Variants in CLCA4 observed in about 807,000 individuals in gnomAD.
The protein encoded by CLCA4 is chloride channel accessory 4, also known as calcium-activated chloride channel regulator 4.
A neutral mutation model predicts 78.9 loss-of-function variants in CLCA4; 69 were observed. The ratio of observed to expected loss-of-function variants is 0.87; its 90% CI spans 0.72 to 1.07. The LOEUF (loss-of-function observed/expected upper bound fraction) is 1.07. Ranked by LOEUF, CLCA4 falls within the 50% of genes least tolerant of loss-of-function variation. CLCA4 has a pLI of 0.00. For missense variants in CLCA4, 1,133 were observed against 1,095.8 expected, an observed-to-expected ratio of 1.03 and a Z score of -0.48; for synonymous variants, 362 against 375.8, an observed-to-expected ratio of 0.96 and a Z score of 0.42.
chr1:86,577,843 G>C, intron 11 of CLCA4, 59 bp from the exon 12 acceptor site: 3 of 1,481,620 alleles, frequency 2.0e-6, no homozygotes, highest in Admixed American at 3.8e-5. Context: ...CCAATTGCTT[G>C]TCTTAGAAAA....
At chr1:86,547,324 T>C (rs1385953053) in intron 1 of CLCA4, 46 bp downstream of exon 1, 3 of 1,394,836 alleles carry the variant, frequency 2.2e-6, no homozygotes, top group African/African-American at 3.0e-5. Flanking sequence ...AGTTTTTTAC[T>C]ATTATTTTTA....
At chr1:86,579,730 C>T in intron 13 of CLCA4, 143 bp downstream of exon 13, 1 of 732,414 alleles carries the variant, frequency 1.4e-6, no homozygotes, top group South Asian at 1.9e-5. Context: ...ATTTTTTAAT[C>T]AATCAAATGA....
intron 7 of CLCA4, among the ~76,000 whole-genome samples, chr1:86,570,755 C>T (rs923616722): frequency 2.0e-5 from 3 of 151,488 alleles, no homozygotes; most frequent in Admixed American, 2.0e-4. Context: ...ATGTCACATA[C>T]TGTGATTATA....
chr1:86,579,205 T>C, intron 12 of CLCA4, 149 bp from the exon 13 acceptor site: 2 of 635,562 alleles, frequency 3.1e-6, no homozygotes, highest in Non-Finnish European at 5.6e-6. Context: ...CTCTCACCAG[T>C]TGGGCGCTTA....
intron 8 of CLCA4, among the ~76,000 whole-genome samples, chr1:86,572,144 C>T (rs1650367567): frequency 6.6e-6 from 1 of 151,966 alleles, no homozygotes; most frequent in African/African-American, 2.4e-5. Flanking sequence ...GCAGCTCTTT[C>T]ATCTTTCTAA....
In CLCA4 at chr1:86,580,404, C is replaced by G. The variant is rs983859479; in HGVS notation, c.*59C>G. The stretch of plus-strand genomic sequence containing the variant: ...TAGAAGAGAGTTTTAAAAAACAAAA[C>G]AATGTAAGTAAAGGATATTTCTGAA... On this transcript the variant is annotated 3_prime_UTR_variant, in exon 14 of 14. Transcript: ENST00000370563. 72 of 1,280,426 alleles carry G rather than the reference C, an allele frequency of 5.6e-5. No individual in the cohort carries two copies. Among genetic ancestry groups the G allele is most frequent in the Middle Eastern group, 1.9e-4 (1 of 5,184 alleles). The allele number at this position is 1,280,426 out of a possible 1,614,324, so 79.3% of individuals were successfully genotyped here.
At chr1:86,572,111 T>C (rs1052306909) in intron 8 of CLCA4, among the ~76,000 whole-genome samples, 1 of 152,066 alleles carries the variant, frequency 6.6e-6, no homozygotes, top group African/African-American at 2.4e-5. Context: ...CATTGCCAGT[T>C]ATTGTGAGAA....
chr1:86,553,081 GC>G, intron 1 of CLCA4: 1 of 696,700 alleles, frequency 1.4e-6, no homozygotes, highest in Non-Finnish European at 2.6e-6. Flanking sequence ...GTCCAGCGGC[GC>G]CCACCCTGCA....
intron 7 of CLCA4, among the ~76,000 whole-genome samples, chr1:86,570,739 T>C (rs894486728): frequency 4.6e-5 from 7 of 152,088 alleles, no homozygotes; most frequent in Non-Finnish European, 7.4e-5. Context: ...AACATAACAC[T>C]AATTAATGTC....
chr1:86,580,464 A>G lies in CLCA4; in HGVS notation c.*119A>G. 1 of 686,408 alleles carries G rather than the reference A, an allele frequency of 1.5e-6. No individual in the cohort carries two copies. The highest frequency in any genetic ancestry group is 1.8e-5 in the African/African-American group (1 of 54,116). 42.5% of individuals were successfully genotyped at this position (686,408 alleles called of 1,614,324 possible). A position where few individuals can be genotyped will look rare whatever the true frequency, so the allele number is the denominator to read the frequency against. On this transcript the variant is annotated 3_prime_UTR_variant, in exon 14 of 14. Transcript: ENST00000370563. ...TCATCCCATGTGTGATCATAAACTC[A>G]TAAAAATAATTTTAAGATGTCGGAA...
chr1:86,580,415 A>AT lies in CLCA4; in HGVS notation c.*70_*71insT. On this transcript the variant is annotated 3_prime_UTR_variant, in exon 14 of 14. Coordinates refer to ENST00000370563, the MANE Select transcript of CLCA4 (RefSeq NM_012128.4). ...TTTAAAAAACAAAACAATGTAAGTA[A>AT]AGGATATTTCTGAATCTTAAAATTC... is the stretch of plus-strand genomic sequence containing the variant. The AT allele has an allele frequency of 8.3e-7, 1 of 1,212,100 alleles. No homozygotes were observed. The highest frequency in any genetic ancestry group is 1.1e-6 in the Non-Finnish European group (1 of 895,416). 75.1% of individuals were successfully genotyped at this position (1,212,100 alleles called of 1,614,324 possible). A position where few individuals can be genotyped will look rare whatever the true frequency, so the allele number is the denominator to read the frequency against.
intron 1 of CLCA4, among the ~76,000 whole-genome samples, chr1:86,547,500 A>G (rs980101226): frequency 6.6e-6 from 1 of 152,190 alleles, no homozygotes; most frequent in Non-Finnish European, 1.5e-5. Flanking sequence ...CTACTTTGAA[A>G]TACACAACAG....
rs545295779 is a variant in CLCA4, at chr1:86,550,844, T to C, written c.159+3566T>C. On this transcript the variant is annotated intron_variant, in intron 1 of 13. Transcript: ENST00000370563. ...GGGAGGGATCATTTCTTTTTTTTTT[T>C]TTTTTGAGACAGAATCTCGATCTGT... is the stretch of plus-strand genomic sequence containing the variant. 8.6e-5 allele frequency among the ~76,000 whole-genome samples: 13 copies of C among 151,406 alleles called. No individual in the cohort carries two copies. In the South Asian group the frequency reaches 2.3e-3, roughly 27 times the overall value.
rs777775115 is a variant in CLCA4 at position 86,553,189 on chromosome 1, C to A, written c.159+5911C>A. The A allele has an allele frequency of 2.3e-5, 26 of 1,151,626 alleles. 1 individual carries two copies. Among genetic ancestry groups the A allele is most frequent in the Non-Finnish European group, 3.3e-5 (25 of 762,970 alleles). The allele number at this position is 1,151,626 out of a possible 1,614,324, so 71.3% of individuals were successfully genotyped here. Reference sequence around the variant, plus strand: ...ATTGAGCGGCACAGGTTGGGCTCCACAAGCATGTGGCAAAGCTGCAGCTTC... The same window carrying A: ...ATTGAGCGGCACAGGTTGGGCTCCAAAAGCATGTGGCAAAGCTGCAGCTTC... On this transcript the variant is annotated intron_variant, in intron 1 of 13. Coordinates refer to ENST00000370563, the MANE Select transcript of CLCA4 (RefSeq NM_012128.4).
chr1:86,571,716 C>G (rs1320528651), intron 8 of CLCA4, among the ~76,000 whole-genome samples: 1 of 151,844 alleles, frequency 6.6e-6, no homozygotes, highest in Non-Finnish European at 1.5e-5. Context: ...CCCATGAGAC[C>G]AGAGCATAAG....
At chr1:86,576,199 G>A (rs558619696) in intron 11 of CLCA4, among the ~76,000 whole-genome samples, 59 of 151,828 alleles carry the variant, frequency 3.9e-4, no homozygotes, top group East Asian at 2.1e-3. Context: ...TCACTCTGTC[G>A]CACAGGCTGG....
chr1:86,571,430 T>C (rs1650348934), intron 8 of CLCA4, 176 bp downstream of exon 8: 2 of 531,004 alleles, frequency 3.8e-6, no homozygotes. Flanking sequence ...AATAAAACTG[T>C]TGATGAAATA....
chr1:86,553,727 G>A (rs1006220631), intron 1 of CLCA4, among the ~76,000 whole-genome samples: 1 of 152,188 alleles, frequency 6.6e-6, no homozygotes, highest in Admixed American at 6.5e-5. Flanking sequence ...CTGAGGTCAG[G>A]AGTTCGAGAC....
chr1:86,550,833 CTTT>C (rs776646480), intron 1 of CLCA4, among the ~76,000 whole-genome samples: 6 of 134,450 alleles, frequency 4.5e-5, no homozygotes, highest in Non-Finnish European at 3.2e-5. Context: ...GGGATCATTT[CTTT>C]TTTTTTTTTT....
Sources: allele counts gnomAD v4.1 joint callset (sites outside exome capture counted in the v4.1 genomes callset), GRCh38; gene constraint gnomAD v4.1.1; transcripts MANE v1.5; gene names NCBI Gene and HGNC (gene_info 2026-07-23, HGNC 2026-07-21).